The following PLA2G6 variants were observed in gnomAD, a reference collection of about 807,000 sequenced individuals.
PLA2G6 encodes 85/88 kDa calcium-independent phospholipase A2.
Under a neutral mutation model 83.8 loss-of-function variants are expected in PLA2G6, and 62 were observed. That is an observed-to-expected ratio of 0.74 (90% CI 0.60 to 0.91). PLA2G6 has a LOEUF of 0.91. Ranked by LOEUF, PLA2G6 falls within the 40% of genes least tolerant of loss-of-function variation. PLA2G6 has a pLI of 0.00. For synonymous variants in PLA2G6, 417 were observed against 449.8 expected, an observed-to-expected ratio of 0.93 and a Z score of 0.92; for missense variants, 944 against 1,102.0, an observed-to-expected ratio of 0.86 and a Z score of 2.03.
At position 38,145,473 on chromosome 22, in the gene PLA2G6, C is replaced by T; in HGVS notation, c.390G>A (p.Gly130=). The T allele has an allele frequency of 1.2e-6, 2 of 1,611,676 alleles. No individual in the cohort carries two copies. Among genetic ancestry groups the T allele is most frequent in the Non-Finnish European group, 1.7e-6 (2 of 1,179,380 alleles). ...GGCTGTGATGGAAGCACTCGCGGAT[C>T]CCTAGCTCCACAGCCAGGTGGGCCA... The part of the protein sequence containing the change: ...WSVAHLAVEL[G]IRECFHHSRI... Residue 130 remains glycine (G), a synonymous_variant, in exon 3 of 17, where the codon GGG becomes GGA. Coordinates refer to ENST00000332509, the MANE Select transcript of PLA2G6 (RefSeq NM_003560.4).
At chr22:38,122,725 G>A (rs1226725384) in intron 11 of PLA2G6, among the ~76,000 whole-genome samples, 4 of 152,188 alleles carry the variant, frequency 2.6e-5, no homozygotes, top group African/African-American at 9.7e-5. Flanking sequence ...TGCCTGCTGC[G>A]TGCACCCTGG....
intron 10 of PLA2G6, among the ~76,000 whole-genome samples, chr22:38,125,221 C>A (rs918733074): frequency 2.6e-5 from 4 of 151,934 alleles, no homozygotes; most frequent in Non-Finnish European, 4.4e-5. Flanking sequence ...CGTGTGTTTG[C>A]ATGTGTGCAT....
At chr22:38,169,791 G>C (rs1322715115) in intron 1 of PLA2G6, among the ~76,000 whole-genome samples, 1 of 152,206 alleles carries the variant, frequency 6.6e-6, no homozygotes, top group Non-Finnish European at 1.5e-5. Context: ...TGTAGTGTGT[G>C]GTATTGACCA....
At chr22:38,170,951 A>T (rs1264186399) in intron 1 of PLA2G6, among the ~76,000 whole-genome samples, 1 of 152,158 alleles carries the variant, frequency 6.6e-6, no homozygotes, top group African/African-American at 2.4e-5. Flanking sequence ...CGGGCGGATC[A>T]CCTGAGGTCA....
chr22:38,134,957 G>GCC, intron 6 of PLA2G6, 31 bp downstream of exon 6: 2 of 995,352 alleles, frequency 2.0e-6, no homozygotes, highest in Admixed American at 1.7e-5. Flanking sequence ...CCGGCCCCCT[G>GCC]CCCCACCCAC....
Position 38,169,386 on chromosome 22 carries a change from A to G in PLA2G6, c.41T>C (p.Val14Ala), listed in dbSNP as rs2090348237. 6.2e-7 allele frequency: 1 copy of G among 1,614,198 alleles called. No homozygotes were observed. Among genetic ancestry groups the G allele is most frequent in the East Asian group, 2.2e-5 (1 of 44,882 alleles). Residue 14 changes from valine to alanine, a missense_variant, in exon 2 of 17, where the codon GTC (valine) becomes GCC (alanine). By Grantham distance (64) the Val-to-Ala change is moderately conservative. Transcript: ENST00000332509. ...GAATGGGTTAGAGAACAAGTTGGTG[A>G]CGCCACTGAAGGTATTGACCAGGCG... is the stretch of plus-strand genomic sequence containing the variant. ...FGRLVNTFSGVTNLFSNPFRV... is the reference protein window; with the variant it reads ...FGRLVNTFSGATNLFSNPFRV...
chr22:38,145,848 T>C, intron 2 of PLA2G6, 195 bp from the exon 3 acceptor site: 1 of 569,342 alleles, frequency 1.8e-6, no homozygotes, highest in South Asian at 1.9e-5. Flanking sequence ...TATACACATG[T>C]AAATGACATA....
intron 2 of PLA2G6, among the ~76,000 whole-genome samples, chr22:38,159,897 T>G (rs6001030): frequency 0.34 from 51,006 of 152,000 alleles, 8,900 homozygotes; most frequent in South Asian, 0.43. Flanking sequence ...TCATTAAAAC[T>G]AAGAACTCAT....
In PLA2G6 at chr22:38,139,854, C is replaced by T. The variant is rs1036757769; in HGVS notation, c.797+128G>A. 130 of 759,432 alleles carry T rather than the reference C, an allele frequency of 1.7e-4. 1 individual carries two copies. The highest frequency in any genetic ancestry group is 2.5e-4 in the Non-Finnish European group (111 of 446,532). The allele number at this position is 759,432 out of a possible 1,614,324, so 47.0% of individuals were successfully genotyped here. A position where few individuals can be genotyped will look rare whatever the true frequency, so the allele number is the denominator to read the frequency against. On this transcript the variant is annotated intron_variant, in intron 5 of 16. Transcript: ENST00000332509. ...CGGGGCCTAATGAGGCTTGTGAACC[C>T]GGGGCCTCTGCTCTGAGGCTGGAGA... is the stretch of plus-strand genomic sequence containing the variant.
intron 1 of PLA2G6, among the ~76,000 whole-genome samples, chr22:38,178,085 G>A (rs2090705147): frequency 6.6e-6 from 1 of 152,158 alleles, no homozygotes; most frequent in Non-Finnish European, 1.5e-5. Flanking sequence ...CCGCTTGGCT[G>A]GACCACAGCT....
chr22:38,145,211 G>A (rs1006995024), intron 3 of PLA2G6: 22 of 576,194 alleles, frequency 3.8e-5, no homozygotes, highest in African/African-American at 2.8e-4. Context: ...TAATTTTTTC[G>A]TAGAGACAAG....
At chr22:38,138,574 T>C (rs926440768) in intron 5 of PLA2G6, 2 of 152,226 alleles carry the variant, frequency 1.3e-5, no homozygotes, top group African/African-American at 4.8e-5. Context: ...TGTCCTGGAG[T>C]GGCTTATTCA....
chr22:38,113,367 G>A (rs2086996908), intron 15 of PLA2G6, 120 bp downstream of exon 15: 1 of 985,722 alleles, frequency 1.0e-6, no homozygotes, highest in Non-Finnish European at 1.6e-6. Flanking sequence ...GCTGGCTAAA[G>A]GCGATGGACA....
chr22:38,169,516 T>C (rs561600883), intron 1 of PLA2G6, 45 bp from the exon 2 acceptor site: 2 of 1,090,454 alleles, frequency 1.8e-6, no homozygotes, highest in East Asian at 2.5e-5. Context: ...CAGTCTCCCA[T>C]GCCCATCTCA....
chr22:38,121,206 C>T (rs1159469364), intron 11 of PLA2G6, among the ~76,000 whole-genome samples: 2 of 152,026 alleles, frequency 1.3e-5, no homozygotes, highest in Non-Finnish European at 2.9e-5. Flanking sequence ...GGTGAAACCC[C>T]GTCTATTAAA....
chr22:38,180,364 T>G (rs1195652655), intron 1 of PLA2G6: 1 of 152,172 alleles, frequency 6.6e-6, no homozygotes, highest in Non-Finnish European at 1.5e-5. Flanking sequence ...TGGTGTCAGA[T>G]TCCAGCTTCA....
At chr22:38,143,928 G>C (rs867472968) in intron 3 of PLA2G6, 11 of 177,838 alleles carry the variant, frequency 6.2e-5, no homozygotes, top group Admixed American at 1.1e-4. Flanking sequence ...ATTTTTAGTA[G>C]AGACGGGGTT....
chr22:38,150,392 G>T (rs2089505114), intron 2 of PLA2G6: 1 of 152,192 alleles, frequency 6.6e-6, no homozygotes, highest in African/African-American at 2.4e-5. Flanking sequence ...AGCCCTGAAT[G>T]AACTACCAGC....
intron 2 of PLA2G6, among the ~76,000 whole-genome samples, chr22:38,160,518 G>A (rs535844789): frequency 3.6e-4 from 55 of 152,190 alleles, no homozygotes; most frequent in Middle Eastern, 3.4e-3. Flanking sequence ...TATCAATCTC[G>A]CCAACAAAAT....
Sources: gnomAD v4.1 joint callset for allele counts (sites outside exome capture counted in the v4.1 genomes callset) on GRCh38, gnomAD v4.1.1 for gene constraint, MANE v1.5 for transcripts, NCBI Gene and HGNC (gene_info 2026-07-23, HGNC 2026-07-21) for gene names.